Variants in PER3 observed in about 807,000 individuals in gnomAD.
PER3 encodes period circadian regulator 3, also known as period circadian protein homolog 3.
PER3 carries 107 observed loss-of-function variants against 127.2 expected under a neutral mutation model. The ratio of observed to expected loss-of-function variants is 0.84; its 90% CI spans 0.72 to 0.99. PER3 has a LOEUF of 0.99. Ranked by LOEUF, PER3 falls within the 50% of genes least tolerant of loss-of-function variation. The probability of loss-of-function intolerance (pLI) is 0.00; values close to 1 mark genes in which losing one functional copy is unlikely to be tolerated. For synonymous variants in PER3, 618 were observed against 585.8 expected, an observed-to-expected ratio of 1.05 and a Z score of -0.79; for missense variants, 1,560 against 1,525.8, an observed-to-expected ratio of 1.02 and a Z score of -0.37.
chr1:7,786,756 G>C lies in PER3; in HGVS notation c.310G>C (p.Gly104Arg), dbSNP rs2097093092. 6.2e-7 allele frequency: 1 copy of C among 1,610,988 alleles called. No homozygotes were observed. The highest frequency in any genetic ancestry group is 1.7e-5 in the Admixed American group (1 of 59,998). The change falls in exon 4 of 22, where the codon GGA (glycine) becomes CGA (arginine). Residue 104 changes from glycine (G) to arginine (R), a missense_variant. Physicochemically the swap from Gly to Arg is moderately radical, Grantham distance 125. Transcript: ENST00000377532. The stretch of plus-strand genomic sequence containing the variant: ...GTTTTTCCAGATTCTCAGTCAGAAT[G>C]GAGCACCTCAGGCAGATGTGAGCAT... ...SEFFQILSQN[G>R]APQADVSMYS...
At chr1:7,840,080 T>A (rs1392455980) in intron 21 of PER3, among the ~76,000 whole-genome samples, 1 of 152,170 alleles carries the variant, frequency 6.6e-6, no homozygotes, top group Non-Finnish European at 1.5e-5. Context: ...CTTTTTTCTT[T>A]CTGTTCGTCG....
intron 5 of PER3, among the ~76,000 whole-genome samples, chr1:7,792,630 C>A (rs537440304): frequency 6.6e-6 from 1 of 152,148 alleles, no homozygotes; most frequent in Non-Finnish European, 1.5e-5. Flanking sequence ...TGCGTTACCC[C>A]CTTCGATTCC....
At chr1:7,807,364 G>A (rs1299249602) in intron 10 of PER3, among the ~76,000 whole-genome samples, 1 of 152,202 alleles carries the variant, frequency 6.6e-6, no homozygotes, top group Non-Finnish European at 1.5e-5. Context: ...AATGTGCAGG[G>A]TGAGTGAATA....
chr1:7,800,109 G>C (rs949466664), intron 7 of PER3, among the ~76,000 whole-genome samples: 1 of 151,960 alleles, frequency 6.6e-6, no homozygotes, highest in East Asian at 1.9e-4. Flanking sequence ...CTTTGAACTG[G>C]ATGCTGTTTT....
At chr1:7,787,440 C>T (rs559583898) in intron 4 of PER3, 5 of 453,440 alleles carry the variant, frequency 1.1e-5, no homozygotes, top group African/African-American at 2.0e-5. Context: ...AGTATTATAA[C>T]AGTGCTTATT....
At chr1:7,785,984 C>T (rs1273057132) in intron 3 of PER3, among the ~76,000 whole-genome samples, 6 of 152,186 alleles carry the variant, frequency 3.9e-5, no homozygotes, top group East Asian at 1.9e-4. Context: ...AGGCTGGGCG[C>T]GGTGCCTCAC....
rs145092951 is a variant in PER3 at position 7,787,420 on chromosome 1, C to T, written c.390+584C>T. On this transcript the variant is annotated intron_variant, in intron 4 of 21. Transcript: ENST00000377532. ...AAAGATTTTGTAATAGTGGAACGTGCGCAATCCCTAGTATTATAACAGTGC... is the reference window on the plus strand; with the variant it reads ...AAAGATTTTGTAATAGTGGAACGTGTGCAATCCCTAGTATTATAACAGTGC... The T allele has an allele frequency of 7.7e-5, 30 of 390,990 alleles. No individual in the cohort carries two copies. In the East Asian group the frequency reaches 9.8e-4, roughly 13 times the overall value. 24.2% of individuals were successfully genotyped at this position (390,990 alleles called of 1,614,324 possible). A position where few individuals can be genotyped will look rare whatever the true frequency, so the allele number is the denominator to read the frequency against.
chr1:7,837,572 G>A (rs888071811), intron 21 of PER3, among the ~76,000 whole-genome samples: 17 of 152,244 alleles, frequency 1.1e-4, no homozygotes, highest in African/African-American at 4.1e-4. Flanking sequence ...ATACTAAGCA[G>A]AAACTTTAAT....
chr1:7,839,497 A>G (rs544828236), intron 21 of PER3, among the ~76,000 whole-genome samples: 14 of 152,202 alleles, frequency 9.2e-5, no homozygotes, highest in African/African-American at 1.9e-4. Flanking sequence ...TGAGATCTCT[A>G]TTTCTTCACA....
chr1:7,816,872 A>G (rs1434592571), intron 13 of PER3, among the ~76,000 whole-genome samples: 1 of 152,230 alleles, frequency 6.6e-6, no homozygotes, highest in East Asian at 1.9e-4. Context: ...CTGTACATGA[A>G]TATTTATTAC....
chr1:7,788,097 C>T lies in PER3; in HGVS notation c.443C>T (p.Ser148Phe). The T allele has an allele frequency of 1.9e-6, 3 of 1,614,016 alleles. No homozygotes were observed. Among genetic ancestry groups the T allele is most frequent in the Non-Finnish European group, 1.7e-6 (2 of 1,179,874 alleles). ...CTGTCTGGAAGGTTAGTGCACATTT[C>T]TGAACAGGCTGCTTTGATCCTGAAT... ...SFLSGRLVHI[S>F]EQAALILNRK... The change falls in exon 5 of 22, where the codon TCT becomes TTT. Residue 148 changes from serine (S) to phenylalanine (F), a missense_variant. Ser to Phe is a radical substitution (Grantham distance 155). Around this residue, in one of 3 missense-constraint regions of PER3, gnomAD observed 1,332 missense variants for 1,223.6 expected, o/e 1.09. Coordinates refer to ENST00000377532, the MANE Select transcript of PER3 (RefSeq NM_001377275.1).
rs140489614 is a variant in PER3, at chr1:7,827,809, T to C, written c.2880T>C (p.Thr960=). The change falls in exon 18 of 22, where the codon ACT becomes ACC. Residue 960 remains threonine (T), a synonymous_variant. Transcript: ENST00000377532. ...TGAGAAGGAACACGTGCCCACAAAC[T>C]GAGTATGTAAGTGATGCTCATTTTC... ...DQMRRNTCPQ[T]EYQCVTGNNG... is the part of the protein sequence containing the mutation. 1.2e-6 allele frequency: 2 copies of C among 1,607,748 alleles called. No homozygotes were observed. The highest frequency in any genetic ancestry group is 1.7e-5 in the Admixed American group (1 of 59,768).
At chr1:7,832,393 G>A (rs228662) in intron 19 of PER3, among the ~76,000 whole-genome samples, 124,464 of 128,940 alleles carry the variant, frequency 0.97, 60,093 homozygotes, top group East Asian at 1. Flanking sequence ...TTTTTCCCTG[G>A]GACAGAGTCT....
intron 4 of PER3, 63 bp downstream of exon 4, chr1:7,786,899 T>C (rs1558375068): frequency 1.1e-6 from 1 of 898,452 alleles, no homozygotes; most frequent in Non-Finnish European, 1.9e-6. Context: ...CTGCTCTAGA[T>C]GTAGGCTTTT....
At chr1:7,833,485 G>A (rs1327036117) in intron 19 of PER3, among the ~76,000 whole-genome samples, 2 of 152,170 alleles carry the variant, frequency 1.3e-5, no homozygotes, top group Non-Finnish European at 2.9e-5. Context: ...TCCTCTTGAT[G>A]AATTGCTCTC....
At chr1:7,821,391 AGT>A (rs1238564160) in intron 16 of PER3, among the ~76,000 whole-genome samples, 1 of 152,186 alleles carries the variant, frequency 6.6e-6, no homozygotes, top group Non-Finnish European at 1.5e-5. Context: ...TGAGATGGAG[AGT>A]GTGGTACTGA....
intron 20 of PER3, chr1:7,836,668 A>G (rs1488216481): frequency 1.0e-5 from 2 of 197,120 alleles, no homozygotes; most frequent in Non-Finnish European, 2.1e-5. Flanking sequence ...TCATGAGACA[A>G]AGAAACAAAG....
chr1:7,836,555 C>G (rs752005939), intron 20 of PER3, among the ~76,000 whole-genome samples: 26 of 152,110 alleles, frequency 1.7e-4, no homozygotes, highest in South Asian at 8.3e-4. Context: ...AATGTGTCTT[C>G]AAATTTATTC....
rs2859387 is a variant in PER3, at chr1:7,827,188, G to C, written c.2259G>C (p.Pro753=). ...RKGKHKRKKL[P]EPPDSSSSNT... is the part of the protein sequence containing the mutation. ...GGAAGCACAAGCGGAAGAAGCTGCCGGAGCCGCCAGACAGCAGCAGCTCGA... is the reference window on the plus strand; with the variant it reads ...GGAAGCACAAGCGGAAGAAGCTGCCCGAGCCGCCAGACAGCAGCAGCTCGA... The change falls in exon 18 of 22, where the codon CCG becomes CCC. Residue 753 remains proline, a synonymous_variant. Coordinates refer to ENST00000377532, the MANE Select transcript of PER3 (RefSeq NM_001377275.1). 2.5e-6 allele frequency: 4 copies of C among 1,612,188 alleles called. No individual in the cohort carries two copies. Among genetic ancestry groups the C allele is most frequent in the African/African-American group, 1.3e-5 (1 of 74,796 alleles).
Sources: allele counts gnomAD v4.1 joint callset (sites outside exome capture counted in the v4.1 genomes callset), GRCh38; gene constraint gnomAD v4.1.1; regional missense constraint gnomAD v4.1.1; transcripts MANE v1.5; gene names NCBI Gene and HGNC (gene_info 2026-07-23, HGNC 2026-07-21).